FAM229B: variants seen among roughly 807,000 people sequenced by gnomAD.
FAM229B encodes the protein family with sequence similarity 229 member B, also known as protein FAM229B.
FAM229B carries 2 observed loss-of-function variants against 6.7 expected under a neutral mutation model. The ratio of observed to expected loss-of-function variants is 0.30; its 90% CI spans 0.12 to 0.94. The LOEUF is 0.94. Ranked by LOEUF, FAM229B falls within the 40% of genes least tolerant of loss-of-function variation. The pLI, the probability that FAM229B is intolerant of heterozygous loss-of-function variation, is 0.54. For missense variants in FAM229B, 93 were observed against 96.2 expected, an observed-to-expected ratio of 0.97 and a Z score of 0.14; for synonymous variants, 29 against 34.0, an observed-to-expected ratio of 0.85 and a Z score of 0.51.
chr6:112,092,762 G>A (rs1291282492), intron 1 of FAM229B, among the ~76,000 whole-genome samples: 3 of 151,910 alleles, frequency 2.0e-5, no homozygotes, highest in Admixed American at 2.0e-4. Flanking sequence ...AGTGGGAGAG[G>A]GGAAATGGAA....
intron 2 of FAM229B, among the ~76,000 whole-genome samples, chr6:112,098,516 A>G (rs959685169): frequency 6.6e-6 from 1 of 152,324 alleles, no homozygotes; most frequent in African/African-American, 2.4e-5. Context: ...AATCCTCACT[A>G]TTATCCTAGA....
intron 3 of FAM229B, among the ~76,000 whole-genome samples, chr6:112,100,257 T>C (rs1554319109): frequency 6.6e-6 from 1 of 152,242 alleles, no homozygotes; most frequent in Non-Finnish European, 1.5e-5. Context: ...AATACTATGT[T>C]CAGTTTTGTA....
chr6:112,093,210 T>C (rs1554318329), intron 1 of FAM229B, among the ~76,000 whole-genome samples: 1 of 151,938 alleles, frequency 6.6e-6, no homozygotes, highest in Non-Finnish European at 1.5e-5. Flanking sequence ...AAAAGATATG[T>C]CATACTAAAA....
At chr6:112,089,610 A>G (rs1313331688) in intron 1 of FAM229B, among the ~76,000 whole-genome samples, 1 of 152,182 alleles carries the variant, frequency 6.6e-6, no homozygotes, top group Non-Finnish European at 1.5e-5. Context: ...TAAAAGAACT[A>G]AGGAAATTAA....
rs1014396122 is a variant in FAM229B, at chr6:112,102,004, C to T, written c.*1217C>T. The stretch of plus-strand genomic sequence containing the variant: ...ATCCAAACTGGAGCTAGACTAAAGG[C>T]TAATGTATACCAATTTTAAGAAAGC... On this transcript the variant is annotated 3_prime_UTR_variant, in exon 4 of 4. Coordinates refer to ENST00000368656, the MANE Select transcript of FAM229B (RefSeq NM_001033564.3). The T allele has an allele frequency of 2.0e-5, 3 of 152,122 alleles. No individual in the cohort carries two copies. Among genetic ancestry groups the T allele is most frequent in the Non-Finnish European group, 4.4e-5 (3 of 68,024 alleles). The allele number at this position is 152,122 out of a possible 1,614,324, so 9.4% of individuals were successfully genotyped here. A position where few individuals can be genotyped will look rare whatever the true frequency, so the allele number is the denominator to read the frequency against.
Position 112,098,050 on chromosome 6 carries a change from G to A in FAM229B, c.-15+849G>A, listed in dbSNP as rs80132951. Among the ~76,000 whole-genome samples the A allele has an allele frequency of 0.014, 2,087 of 152,202 alleles. 181 individuals are homozygous for A. The East Asian group carries it at 0.25, about 18-fold the overall frequency. On this transcript the variant is annotated intron_variant, in intron 2 of 3. Transcript: ENST00000368656. ...AGTGGGTAAAGGCCTTGAATGCTGC[G>A]AAACATCCTACAGTGCACAGGACAG...
At chr6:112,092,470 G>C (rs906469974) in intron 1 of FAM229B, among the ~76,000 whole-genome samples, 2 of 151,834 alleles carry the variant, frequency 1.3e-5, no homozygotes, top group Admixed American at 1.3e-4. Flanking sequence ...TTAAAATATT[G>C]TTCCACAATG....
Position 112,097,960 on chromosome 6 carries a change from A to T in FAM229B, c.-15+759A>T, listed in dbSNP as rs115637697. Among the ~76,000 whole-genome samples, 228 of 152,300 alleles carry T rather than the reference A, an allele frequency of 1.5e-3. 2 individuals are homozygous for T. The highest frequency in any genetic ancestry group is 5.3e-3 in the African/African-American group (220 of 41,574). ...TTGCCTCTCTCTCCCACCAGGGGAC[A>T]TTTGACAATGTCTATAGACATTTTG... On this transcript the variant is annotated intron_variant, in intron 2 of 3. Transcript: ENST00000368656.
chr6:112,098,165 G>A (rs963188792), intron 2 of FAM229B, among the ~76,000 whole-genome samples: 4 of 152,168 alleles, frequency 2.6e-5, no homozygotes, highest in East Asian at 1.9e-4. Context: ...TAACTGTTAC[G>A]AAGGAGAAAT....
chr6:112,090,233 C>T (rs868929886), intron 1 of FAM229B, among the ~76,000 whole-genome samples: 16 of 152,080 alleles, frequency 1.1e-4, no homozygotes, highest in African/African-American at 2.7e-4. Context: ...GCTTGCACAC[C>T]GCCATTTCTG....
chr6:112,092,352 A>C (rs587719094), intron 1 of FAM229B, among the ~76,000 whole-genome samples: 15 of 152,232 alleles, frequency 9.9e-5, no homozygotes, highest in Non-Finnish European at 1.8e-4. Context: ...AAAGATAAAA[A>C]AATCAACAGA....
At chr6:112,094,260 C>G (rs6927565) in intron 1 of FAM229B, among the ~76,000 whole-genome samples, 37,461 of 151,822 alleles carry the variant, frequency 0.25, 4,647 homozygotes, top group East Asian at 0.32. Context: ...TCAATGAAAC[C>G]TAAATATGTG....
At chr6:112,093,158 T>C (rs1219183686) in intron 1 of FAM229B, among the ~76,000 whole-genome samples, 2 of 151,940 alleles carry the variant, frequency 1.3e-5, no homozygotes, top group East Asian at 3.9e-4. Flanking sequence ...AGAAACCCAC[T>C]TGGAATATAA....
rs1340403032 is a variant in FAM229B at position 112,101,986 on chromosome 6, C to T, written c.*1199C>T. ...GTTGTACTTTCATAAGAGATCCAAACTGGAGCTAGACTAAAGGCTAATGTA... is the reference window on the plus strand; with the variant it reads ...GTTGTACTTTCATAAGAGATCCAAATTGGAGCTAGACTAAAGGCTAATGTA... On this transcript the variant is annotated 3_prime_UTR_variant, in exon 4 of 4. Transcript: ENST00000368656. 2 of 152,172 alleles carry T rather than the reference C, an allele frequency of 1.3e-5. No individual in the cohort carries two copies. The highest frequency in any genetic ancestry group is 2.9e-5 in the Non-Finnish European group (2 of 68,030). 9.4% of individuals were successfully genotyped at this position (152,172 alleles called of 1,614,324 possible). A position where few individuals can be genotyped will look rare whatever the true frequency, so the allele number is the denominator to read the frequency against.
chr6:112,087,784 G>A (rs1554317683), intron 1 of FAM229B, 64 bp downstream of exon 1: 3 of 295,468 alleles, frequency 1.0e-5, no homozygotes, highest in African/African-American at 2.2e-5. Flanking sequence ...GGCTATCAGA[G>A]GTTTAATTTT....
intron 1 of FAM229B, among the ~76,000 whole-genome samples, chr6:112,088,606 G>T (rs1053245144): frequency 4.6e-5 from 7 of 151,938 alleles, no homozygotes; most frequent in African/African-American, 1.7e-4. Context: ...TAGCCGGTAG[G>T]TTTAAAGTTG....
chr6:112,090,387 A>G (rs1166436026), intron 1 of FAM229B, among the ~76,000 whole-genome samples: 3 of 152,148 alleles, frequency 2.0e-5, no homozygotes, highest in Non-Finnish European at 4.4e-5. Flanking sequence ...ATTTTTCCCA[A>G]TAGGTTTGTT....
chr6:112,089,287 A>G (rs1777225485), intron 1 of FAM229B, among the ~76,000 whole-genome samples: 1 of 151,998 alleles, frequency 6.6e-6, no homozygotes, highest in African/African-American at 2.4e-5. Context: ...GAAGACAAGG[A>G]TGGAAGGGAG....
At chr6:112,088,118 CAATCT>C (rs1350313306) in intron 1 of FAM229B, among the ~76,000 whole-genome samples, 2 of 152,174 alleles carry the variant, frequency 1.3e-5, no homozygotes, top group African/African-American at 4.8e-5. Context: ...AAGAAGCTTA[CAATCT>C]AATTGAAGAC....
Sources: gnomAD v4.1 joint callset for allele counts (sites outside exome capture counted in the v4.1 genomes callset) on GRCh38, gnomAD v4.1.1 for gene constraint, MANE v1.5 for transcripts, NCBI Gene and HGNC (gene_info 2026-07-23, HGNC 2026-07-21) for gene names.